SCART1: variants seen among roughly 807,000 people sequenced by gnomAD.
The protein encoded by SCART1 is scavenger receptor family member expressed on T cells 1.
Under a neutral mutation model 36.2 loss-of-function variants are expected in SCART1, and 62 were observed. The ratio of observed to expected loss-of-function variants is 1.71; its 90% CI spans 1.40 to 2.12. SCART1 has a LOEUF of 2.12. SCART1 is among the 30% of genes most tolerant of loss of function. The pLI is 0.00. For missense variants in SCART1, 1,041 were observed against 540.5 expected (o/e 1.93, Z -9.18); for synonymous variants, 487 against 238.7 (o/e 2.04, Z -9.59).
chr10:133,459,240 CAG>C lies in SCART1; in HGVS notation c.1202_1203del (p.Glu401ValfsTer43), dbSNP rs1283227764. On this transcript the variant is annotated frameshift_variant, in exon 5 of 12. Transcript: ENST00000640237. LOFTEE classifies it high-confidence loss of function. ...CCTGATGCCTTTCACTGTGAGGGGA[CAG>C]AGTCCTACTTGTGGAATTGCCCAGT... 1.4e-6 allele frequency: 1 copy of C among 691,708 alleles called. No homozygotes were observed. The highest frequency in any genetic ancestry group is 1.7e-5 in the African/African-American group (1 of 57,218). 42.8% of individuals were successfully genotyped at this position (691,708 alleles called of 1,614,324 possible).
At chr10:133,464,607 G>T (rs1406783421) in exon 7 of SCART1, 1 of 647,928 alleles carries the variant, frequency 1.5e-6, no homozygotes, top group East Asian at 2.7e-5. Flanking sequence ...GCCTTGCAGA[G>T]TCGGTGGCTC....
intron 6 of SCART1, among the ~76,000 whole-genome samples, chr10:133,461,242 G>A (rs529771583): frequency 2.0e-5 from 3 of 151,088 alleles, no homozygotes; most frequent in Non-Finnish European, 4.4e-5. Context: ...CCTCCTGAGC[G>A]GGTCACGGGC....
exon 7 of SCART1, chr10:133,464,624 T>C (rs1850740655): frequency 6.1e-6 from 4 of 657,378 alleles, no homozygotes; most frequent in Non-Finnish European, 5.6e-6. Context: ...GCTCTGAGGC[T>C]GCGAGGTGGG....
chr10:133,456,043 C>A (rs1447560662), intron 1 of SCART1, among the ~76,000 whole-genome samples, 194 bp from the exon 2 acceptor site: 1 of 152,044 alleles, frequency 6.6e-6, no homozygotes, highest in Non-Finnish European at 1.5e-5. Flanking sequence ...AGGGGAGTAG[C>A]CCCCGGGGAG....
At chr10:133,461,946 G>A (rs1388897064) in intron 6 of SCART1, among the ~76,000 whole-genome samples, 13 of 152,214 alleles carry the variant, frequency 8.5e-5, no homozygotes, top group Non-Finnish European at 1.5e-5. Flanking sequence ...ATCTGAGCTG[G>A]CATCTACAGG....
chr10:133,466,274 G>A (rs373077279), exon 10 of SCART1: 22 of 702,992 alleles, frequency 3.1e-5, no homozygotes, highest in East Asian at 5.4e-5. Flanking sequence ...GCTCCCTTCC[G>A]GACATTCTGG....
chr10:133,464,797 G>A (rs915840384), exon 7 of SCART1: 5 of 702,624 alleles, frequency 7.1e-6, no homozygotes, highest in African/African-American at 1.7e-5. Context: ...TCCCCTCTGC[G>A]GGCACCGGGA....
exon 4 of SCART1, chr10:133,458,635 G>A (rs894873220): frequency 2.9e-5 from 20 of 699,776 alleles, no homozygotes; most frequent in Admixed American, 6.1e-5. Flanking sequence ...GCATGGTCAC[G>A]ACGCGGGGCT....
chr10:133,456,589 G>A (rs1368616284), intron 2 of SCART1, 35 bp downstream of exon 2: 2 of 621,128 alleles, frequency 3.2e-6, no homozygotes, highest in Non-Finnish European at 5.8e-6. Context: ...CGGGGCTGAG[G>A]AGGAGGAGGA....
chr10:133,463,315 G>A (rs555957487), intron 6 of SCART1, among the ~76,000 whole-genome samples: 56 of 152,138 alleles, frequency 3.7e-4, no homozygotes, highest in Admixed American at 2.1e-3. Flanking sequence ...TGTGGTAAGA[G>A]CACCTAAAAT....
rs115848816 is a variant in SCART1, at chr10:133,457,661, G to A, written c.682+86G>A. On this transcript the variant is annotated intron_variant, in intron 3 of 11. Transcript: ENST00000640237. ...GAGGGCAGGGAGAAGGGGGGTGGGC[G>A]TTCCCACGGATGGGCCCCCCTGTCC... 1,589 of 594,758 alleles carry A rather than the reference G, an allele frequency of 2.7e-3. 15 individuals are homozygous for A. Among genetic ancestry groups the A allele is most frequent in the African/African-American group, 0.023 (1,213 of 53,172 alleles). The allele number at this position is 594,758 out of a possible 1,614,324, so 36.8% of individuals were successfully genotyped here.
intron 2 of SCART1, 21 bp downstream of exon 2, chr10:133,456,575 G>A (rs566987242): frequency 6.3e-6 from 4 of 636,026 alleles, no homozygotes; most frequent in Admixed American, 4.5e-5. Flanking sequence ...AGGAGTGAAG[G>A]GGACGGGGCT....
chr10:133,465,012 C>T, intron 7 of SCART1, 94 bp from the exon 8 acceptor site: 1 of 699,886 alleles, frequency 1.4e-6, no homozygotes, highest in Non-Finnish European at 2.6e-6. Flanking sequence ...GCCATTCAAT[C>T]AGAGCCTGGG....
At chr10:133,469,359 A>G (rs1313943463), downstream of SCART1, among the ~76,000 whole-genome samples, 1 of 152,164 alleles carries the variant, frequency 6.6e-6, no homozygotes, top group East Asian at 1.9e-4. Flanking sequence ...CCTATCAATG[A>G]TAGACTGGAT....
chr10:133,457,067 CG>C (rs1189031580), intron 2 of SCART1: 11 of 580,868 alleles, frequency 1.9e-5, no homozygotes, highest in Non-Finnish European at 1.8e-5. Context: ...ACGGATCCTG[CG>C]GGGAACCTTG....
chr10:133,463,150 T>A (rs880283), intron 6 of SCART1, among the ~76,000 whole-genome samples: 23,912 of 151,968 alleles, frequency 0.16, 2,593 homozygotes, highest in African/African-American at 0.31. Context: ...AAGGGTAACA[T>A]TGAACATATT....
chr10:133,459,912 G>T (rs1451573696), exon 6 of SCART1: 15 of 545,712 alleles, frequency 2.7e-5, no homozygotes, highest in Non-Finnish European at 4.5e-5. Context: ...CGGGGCCGGG[G>T]CGCTGCACGG....
exon 6 of SCART1, chr10:133,459,534 G>A (rs551424891): frequency 1.9e-5 from 13 of 680,892 alleles, no homozygotes; most frequent in African/African-American, 1.4e-4. Context: ...CCGCTGTGAC[G>A]GCCGCGTGGA....
At chr10:133,458,199 T>G (rs1850643315) in intron 3 of SCART1, 161 bp from the exon 4 acceptor site, 1 of 700,252 alleles carries the variant, frequency 1.4e-6, no homozygotes, top group Admixed American at 2.0e-5. Context: ...GGGTGCCGGG[T>G]GGAAGGGCCT....
Sources: allele counts gnomAD v4.1 joint callset (sites outside exome capture counted in the v4.1 genomes callset), GRCh38; gene constraint gnomAD v4.1.1; transcripts MANE v1.5; gene names NCBI Gene and HGNC (gene_info 2026-07-23, HGNC 2026-07-21).